RPS6KC1: variants seen among roughly 807,000 people sequenced by gnomAD.
The protein encoded by RPS6KC1 is inactive ribosomal protein S6 kinase delta-1.
Under a neutral mutation model 103.8 loss-of-function variants are expected in RPS6KC1, and 54 were observed. The observed-to-expected ratio is 0.52, with a 90% CI of 0.42 to 0.65. RPS6KC1 has a LOEUF of 0.65. RPS6KC1 is among the 30% of genes least tolerant of loss of function. The probability of loss-of-function intolerance (pLI) is 0.00; values close to 1 mark genes in which losing one functional copy is unlikely to be tolerated. For missense variants in RPS6KC1, 1,151 were observed against 1,253.8 expected (o/e 0.92, Z 1.24); for synonymous variants, 439 against 438.7 (o/e 1.00, Z -0.01).
intron 14 of RPS6KC1, among the ~76,000 whole-genome samples, chr1:213,271,662 G>A (rs553828834): frequency 2.6e-4 from 39 of 151,572 alleles, no homozygotes; most frequent in African/African-American, 9.0e-4. Flanking sequence ...TACACGGGAG[G>A]CTGAGGCAGG....
the RPS6KC1 span, among the ~76,000 whole-genome samples, chr1:213,478,739 A>G: frequency 0.05 from 7,570 of 152,196 alleles, 613 homozygotes; most frequent in African/African-American, 0.17. Flanking sequence ...TGTATATTTT[A>G]GAAGACAATC....
At chr1:213,731,291 A>G in the RPS6KC1 span, 2 of 152,316 alleles carry the variant, frequency 1.3e-5, no homozygotes, top group South Asian at 2.1e-4. Context: ...AAGAATAACA[A>G]TGGTAGTTTA....
chr1:213,335,222 A>G, the RPS6KC1 span, among the ~76,000 whole-genome samples: 13 of 152,344 alleles, frequency 8.5e-5, no homozygotes, highest in Middle Eastern at 3.4e-3. Flanking sequence ...CATGGCCTCA[A>G]GAGGATAGGA....
At chr1:213,562,855 G>C in the RPS6KC1 span, among the ~76,000 whole-genome samples, 2 of 151,542 alleles carry the variant, frequency 1.3e-5, no homozygotes, top group African/African-American at 4.8e-5. Context: ...GCAGAGTCAG[G>C]GCCTCAATAT....
At chr1:213,143,974 A>G (rs762092446) in intron 6 of RPS6KC1, among the ~76,000 whole-genome samples, 3 of 152,014 alleles carry the variant, frequency 2.0e-5, no homozygotes, top group Non-Finnish European at 2.9e-5. Context: ...CCATTCTTTC[A>G]TAGTTACATT....
At chr1:213,089,975 G>T (rs887857921) in intron 3 of RPS6KC1, among the ~76,000 whole-genome samples, 6 of 152,114 alleles carry the variant, frequency 3.9e-5, no homozygotes, top group Admixed American at 1.3e-4. Flanking sequence ...CAATTATCTA[G>T]AAATTTTATG....
At chr1:213,293,734 T>A in the RPS6KC1 span, among the ~76,000 whole-genome samples, 1 of 151,290 alleles carries the variant, frequency 6.6e-6, no homozygotes, top group South Asian at 2.1e-4. Flanking sequence ...CATAGGTGCC[T>A]TCTTGGAAAA....
chr1:213,680,366 C>A, the RPS6KC1 span, among the ~76,000 whole-genome samples: 1 of 152,118 alleles, frequency 6.6e-6, no homozygotes, highest in Non-Finnish European at 1.5e-5. Flanking sequence ...GAGTCCCAGC[C>A]CGGCTCTCCT....
the RPS6KC1 span, among the ~76,000 whole-genome samples, chr1:213,712,639 T>G: frequency 6.6e-6 from 1 of 152,128 alleles, no homozygotes; most frequent in Non-Finnish European, 1.5e-5. Flanking sequence ...AGGGCCCTGG[T>G]GGTGTAGGCA....
intron 3 of RPS6KC1, among the ~76,000 whole-genome samples, chr1:213,104,226 T>A (rs1378649162): frequency 6.6e-6 from 1 of 152,236 alleles, no homozygotes; most frequent in African/African-American, 2.4e-5. Context: ...GTACCATTTA[T>A]TTATCGGTTG....
the RPS6KC1 span, among the ~76,000 whole-genome samples, chr1:213,385,345 A>C: frequency 1.3e-5 from 2 of 152,176 alleles, no homozygotes; most frequent in Admixed American, 1.3e-4. Flanking sequence ...AGGTGAGGAA[A>C]CTGAGACACA....
chr1:213,573,872 CAG>C, the RPS6KC1 span, among the ~76,000 whole-genome samples: 1 of 152,166 alleles, frequency 6.6e-6, no homozygotes, highest in Non-Finnish European at 1.5e-5. Flanking sequence ...GCCTTCATCT[CAG>C]AGAGTCCAGT....
At chr1:213,425,492 C>G in the RPS6KC1 span, among the ~76,000 whole-genome samples, 11 of 152,214 alleles carry the variant, frequency 7.2e-5, no homozygotes, top group African/African-American at 2.7e-4. Flanking sequence ...CTTTGCTTCA[C>G]ACATTAGCTG....
At chr1:213,611,496 C>A in the RPS6KC1 span, among the ~76,000 whole-genome samples, 1 of 152,140 alleles carries the variant, frequency 6.6e-6, no homozygotes, top group Non-Finnish European at 1.5e-5. Flanking sequence ...TATTTCCTAA[C>A]GTGTGCTTCT....
the RPS6KC1 span, among the ~76,000 whole-genome samples, chr1:213,735,028 A>G: frequency 6.6e-6 from 1 of 152,136 alleles, no homozygotes; most frequent in Non-Finnish European, 1.5e-5. Flanking sequence ...GGTTCACGCC[A>G]TTCTTCTGCC....
chr1:213,159,435 G>C (rs755651646), intron 6 of RPS6KC1, among the ~76,000 whole-genome samples: 5 of 152,168 alleles, frequency 3.3e-5, no homozygotes, highest in Non-Finnish European at 7.4e-5. Flanking sequence ...CAGATTGTAT[G>C]AACAGTAAAC....
chr1:213,323,049 C>T, the RPS6KC1 span, among the ~76,000 whole-genome samples: 1 of 151,172 alleles, frequency 6.6e-6, no homozygotes, highest in East Asian at 2.0e-4. Flanking sequence ...CAGGTGTGAG[C>T]CACTGCGCTG....
chr1:213,286,563 A>G, the RPS6KC1 span, among the ~76,000 whole-genome samples: 4 of 152,254 alleles, frequency 2.6e-5, no homozygotes, highest in Admixed American at 2.6e-4. Context: ...CCAATTCGCT[A>G]TCTTGAAATC....
the RPS6KC1 span, among the ~76,000 whole-genome samples, chr1:213,301,713 ATTTATT>A: frequency 3.5e-5 from 5 of 142,398 alleles, no homozygotes; most frequent in African/African-American, 1.5e-4. Flanking sequence ...TTATTTATTT[ATTTATT>A]TATTTATTTA....
Sources: gnomAD v4.1 joint callset for allele counts (sites outside exome capture counted in the v4.1 genomes callset) on GRCh38, gnomAD v4.1.1 for gene constraint, MANE v1.5 for transcripts, NCBI Gene and HGNC (gene_info 2026-07-23, HGNC 2026-07-21) for gene names.